The following ANKS1B variants were observed in gnomAD, a reference collection of about 807,000 sequenced individuals.
ANKS1B encodes ankyrin repeat and sterile alpha motif domain containing 1B.
Under a neutral mutation model 148.3 loss-of-function variants are expected in ANKS1B, and 36 were observed. The observed-to-expected ratio is 0.24, with a 90% CI of 0.19 to 0.32. ANKS1B has a LOEUF of 0.32. Ranked by LOEUF, ANKS1B falls within the 10% of genes least tolerant of loss-of-function variation. The pLI is 1.00. For missense variants in ANKS1B, 1,157 were observed against 1,542.6 expected, an observed-to-expected ratio of 0.75 and a Z score of 4.19; for synonymous variants, 542 against 560.8, an observed-to-expected ratio of 0.97 and a Z score of 0.47.
At chr12:99,178,097 C>A (rs1473813143) in intron 14 of ANKS1B, among the ~76,000 whole-genome samples, 3 of 152,130 alleles carry the variant, frequency 2.0e-5, no homozygotes, top group African/African-American at 7.2e-5. Flanking sequence ...AGAACTTGAA[C>A]AGTTTATCCT....
chr12:99,701,899 C>G (rs997510534), intron 8 of ANKS1B, among the ~76,000 whole-genome samples: 3 of 152,096 alleles, frequency 2.0e-5, no homozygotes, highest in African/African-American at 7.2e-5. Context: ...CATAGAACTC[C>G]ATCATGTATA....
intron 17 of ANKS1B, among the ~76,000 whole-genome samples, chr12:98,899,327 T>C (rs867649582): frequency 1.3e-5 from 2 of 152,238 alleles, no homozygotes; most frequent in African/African-American, 4.8e-5. Context: ...ATTACCAATA[T>C]GTAGTACTTT....
At position 99,519,861 on chromosome 12, in the gene ANKS1B, G is replaced by C. The variant is rs532635694; in HGVS notation, c.1273-15220C>G. 2.0e-5 allele frequency among the ~76,000 whole-genome samples: 3 copies of C among 152,160 alleles called. No homozygotes were observed. In the South Asian group the frequency reaches 6.2e-4, roughly 32 times the overall value. On this transcript the variant is annotated intron_variant, in intron 9 of 26. Coordinates refer to ENST00000683438, the MANE Select transcript of ANKS1B (RefSeq NM_001352186.2). ...TTGATTTGAGGTTACCATGAGCCTT[G>C]CAAATACCATCTAATAATCCATTAT...
chr12:99,862,939 G>C (rs549736160), intron 1 of ANKS1B, among the ~76,000 whole-genome samples: 1 of 152,274 alleles, frequency 6.6e-6, no homozygotes, highest in Non-Finnish European at 1.5e-5. Context: ...AATGTCCCCA[G>C]GGAGCTCACC....
At chr12:99,434,144 T>C (rs909147339) in intron 11 of ANKS1B, among the ~76,000 whole-genome samples, 22 of 152,248 alleles carry the variant, frequency 1.4e-4, no homozygotes, top group African/African-American at 5.1e-4. Flanking sequence ...ATTCATTGTA[T>C]AGTCAAACAG....
At chr12:99,153,592 G>C (rs956004569) in intron 15 of ANKS1B, among the ~76,000 whole-genome samples, 1 of 152,114 alleles carries the variant, frequency 6.6e-6, no homozygotes, top group African/African-American at 2.4e-5. Flanking sequence ...CACATGCCAG[G>C]TTTAGATTGC....
intron 8 of ANKS1B, among the ~76,000 whole-genome samples, chr12:99,711,729 A>G (rs937005728): frequency 1.3e-5 from 2 of 152,172 alleles, no homozygotes; most frequent in Non-Finnish European, 2.9e-5. Flanking sequence ...AAAAGGGAAC[A>G]TTTATACACA....
chr12:99,412,802 T>C (rs2094759302), intron 11 of ANKS1B, among the ~76,000 whole-genome samples: 1 of 152,202 alleles, frequency 6.6e-6, no homozygotes, highest in South Asian at 2.1e-4. Flanking sequence ...AGACTGTATA[T>C]AAGAGATTTG....
At chr12:99,465,050 G>A (rs1157509690) in intron 10 of ANKS1B, among the ~76,000 whole-genome samples, 7 of 152,110 alleles carry the variant, frequency 4.6e-5, no homozygotes, top group East Asian at 3.9e-4. Flanking sequence ...GAGAAAGGTC[G>A]GGTTACCCAC....
chr12:98,967,209 A>T (rs567668735), intron 17 of ANKS1B, among the ~76,000 whole-genome samples: 1 of 152,162 alleles, frequency 6.6e-6, no homozygotes, highest in Admixed American at 6.6e-5. Context: ...AAAAAAATGG[A>T]TCCCAAATGA....
intron 12 of ANKS1B, among the ~76,000 whole-genome samples, chr12:99,299,865 G>A (rs994284719): frequency 5.9e-5 from 9 of 152,094 alleles, no homozygotes; most frequent in African/African-American, 1.4e-4. Context: ...CACAGTTCCA[G>A]TGATAAACAC....
intron 10 of ANKS1B, among the ~76,000 whole-genome samples, chr12:99,463,464 G>A (rs897332849): frequency 1.3e-5 from 2 of 152,224 alleles, no homozygotes; most frequent in African/African-American, 4.8e-5. Context: ...AGCACACCGT[G>A]CGCGAGCCGA....
intron 8 of ANKS1B, among the ~76,000 whole-genome samples, chr12:99,720,222 G>A (rs2057933118): frequency 6.6e-6 from 1 of 152,142 alleles, no homozygotes; most frequent in Non-Finnish European, 1.5e-5. Flanking sequence ...CATACATCAA[G>A]CTCGGGGATT....
At chr12:99,519,704 C>T (rs1344514932) in intron 9 of ANKS1B, among the ~76,000 whole-genome samples, 1 of 151,976 alleles carries the variant, frequency 6.6e-6, no homozygotes, top group Non-Finnish European at 1.5e-5. Flanking sequence ...TCAGTCTTCT[C>T]ATTCAGACTC....
chr12:99,121,996 G>A (rs967024992), intron 15 of ANKS1B, among the ~76,000 whole-genome samples: 1 of 152,126 alleles, frequency 6.6e-6, no homozygotes, highest in African/African-American at 2.4e-5. Context: ...AGGCAAGTGG[G>A]ATAATTCCTG....
At chr12:99,098,747 A>G (rs1461065419) in intron 15 of ANKS1B, among the ~76,000 whole-genome samples, 5 of 146,848 alleles carry the variant, frequency 3.4e-5, no homozygotes, top group Non-Finnish European at 7.4e-5. Context: ...GTGATGGCAG[A>G]AAAATTCAGG....
intron 12 of ANKS1B, among the ~76,000 whole-genome samples, chr12:99,366,439 C>T (rs563163877): frequency 5.3e-5 from 8 of 152,238 alleles, no homozygotes; most frequent in Non-Finnish European, 7.4e-5. Context: ...TAACTCTCTG[C>T]TTTATATCCC....
chr12:99,940,276 A>G (rs1205027808), intron 1 of ANKS1B, among the ~76,000 whole-genome samples: 1 of 152,188 alleles, frequency 6.6e-6, no homozygotes, highest in Non-Finnish European at 1.5e-5. Flanking sequence ...GGCTGACACC[A>G]CAATGTCCTA....
In ANKS1B at chr12:99,737,961, T is replaced by C. The variant is rs188941805; in HGVS notation, c.1128+34961A>G. On this transcript the variant is annotated intron_variant, in intron 8 of 26. Transcript: ENST00000683438. Reference sequence around the variant, plus strand: ...CCATAGTCCCATAGACATTCTAGTATTGTCAATAATTACAGCTCATTTATT... The same window carrying C: ...CCATAGTCCCATAGACATTCTAGTACTGTCAATAATTACAGCTCATTTATT... 2.8e-4 allele frequency among the ~76,000 whole-genome samples: 43 copies of C among 152,272 alleles called. 1 individual carries two copies. In the East Asian group the frequency reaches 8.1e-3, roughly 29 times the overall value.
Sources: allele counts gnomAD v4.1 joint callset (sites outside exome capture counted in the v4.1 genomes callset), GRCh38; gene constraint gnomAD v4.1.1; transcripts MANE v1.5; gene names NCBI Gene and HGNC (gene_info 2026-07-23, HGNC 2026-07-21).